The following GALNT13 variants were observed in gnomAD, a reference collection of about 807,000 sequenced individuals.
GALNT13 encodes the protein UDP-GalNAc:polypeptide N-acetylgalactosaminyltransferase 13.
Under a neutral mutation model 64.2 loss-of-function variants are expected in GALNT13, and 28 were observed. That is an observed-to-expected ratio of 0.44 (90% CI 0.32 to 0.60). The LOEUF (loss-of-function observed/expected upper bound fraction) is 0.60. Among genes scored for constraint, GALNT13 ranks in the 20% least tolerant of loss-of-function variants. GALNT13 has a pLI of 0.05. For missense variants in GALNT13, 577 were observed against 669.8 expected (o/e 0.86, Z 1.53); for synonymous variants, 214 against 224.6 (o/e 0.95, Z 0.42).
At chr2:153,630,809 T>TTTA in the GALNT13 span, among the ~76,000 whole-genome samples, 31 of 14,056 alleles carry the variant, frequency 2.2e-3, no homozygotes, top group Non-Finnish European at 3.0e-3. Context: ...ATATATATAT[T>TTTA]TTTTTTTTTT....
At chr2:153,924,525 C>A (rs2105343669) in intron 2 of GALNT13, among the ~76,000 whole-genome samples, 1 of 152,110 alleles carries the variant, frequency 6.6e-6, no homozygotes, top group African/African-American at 2.4e-5. Flanking sequence ...GAACATGTGC[C>A]TTTATGTATC....
the GALNT13 span, among the ~76,000 whole-genome samples, chr2:153,720,015 GACAA>G: frequency 1.3e-5 from 2 of 150,842 alleles, no homozygotes; most frequent in Non-Finnish European, 3.0e-5. Flanking sequence ...GCAGGGCACA[GACAA>G]ACAAAAAGAC....
At chr2:153,090,565 A>C in the GALNT13 span, among the ~76,000 whole-genome samples, 1 of 151,680 alleles carries the variant, frequency 6.6e-6, no homozygotes, top group Non-Finnish European at 1.5e-5. Flanking sequence ...AATGGGCTAC[A>C]TTGGTTGGCC....
chr2:153,734,112 C>A, the GALNT13 span, among the ~76,000 whole-genome samples: 1 of 152,116 alleles, frequency 6.6e-6, no homozygotes, highest in African/African-American at 2.4e-5. Flanking sequence ...ATGTTCCATG[C>A]AACTCAATTA....
the GALNT13 span, among the ~76,000 whole-genome samples, chr2:153,564,055 C>T: frequency 6.6e-6 from 1 of 152,054 alleles, no homozygotes; most frequent in African/African-American, 2.4e-5. Context: ...TCAAAGAGTG[C>T]TCCTTTCTCT....
chr2:153,664,254 C>A, the GALNT13 span, among the ~76,000 whole-genome samples: 1 of 152,150 alleles, frequency 6.6e-6, no homozygotes, highest in African/African-American at 2.4e-5. Flanking sequence ...CGTTCATATA[C>A]CCACCCCTGG....
the GALNT13 span, among the ~76,000 whole-genome samples, chr2:153,534,526 C>CT: frequency 1.5e-3 from 208 of 138,742 alleles, 2 homozygotes; most frequent in East Asian, 0.012. Flanking sequence ...TTCTTTCTTT[C>CT]TTTTTTTTTT....
chr2:154,160,309 T>C (rs987500723), intron 4 of GALNT13, among the ~76,000 whole-genome samples: 4 of 152,116 alleles, frequency 2.6e-5, no homozygotes, highest in African/African-American at 9.7e-5. Flanking sequence ...CCCACCTGAT[T>C]TCTTTCAGTC....
the GALNT13 span, among the ~76,000 whole-genome samples, chr2:153,546,241 G>A: frequency 1.3e-5 from 2 of 152,150 alleles, no homozygotes; most frequent in African/African-American, 2.4e-5. Flanking sequence ...GTAATTATTT[G>A]CTTAGAATGA....
At chr2:153,454,096 AACTG>A in the GALNT13 span, among the ~76,000 whole-genome samples, 1 of 152,176 alleles carries the variant, frequency 6.6e-6, no homozygotes, top group African/African-American at 2.4e-5. Flanking sequence ...AGCTGGCAAC[AACTG>A]ACACTATTAG....
intron 8 of GALNT13, among the ~76,000 whole-genome samples, chr2:154,259,893 G>GT (rs1008229740): frequency 2.0e-5 from 3 of 151,842 alleles, no homozygotes; most frequent in East Asian, 3.9e-4. Flanking sequence ...TGTTGTTGTT[G>GT]TTTTTTGAGA....
the GALNT13 span, among the ~76,000 whole-genome samples, chr2:153,619,046 T>G: frequency 6.6e-6 from 1 of 151,970 alleles, no homozygotes; most frequent in Non-Finnish European, 1.5e-5. Context: ...AAATATGGAG[T>G]TAATCTTACC....
the GALNT13 span, among the ~76,000 whole-genome samples, chr2:153,199,116 G>A: frequency 4.6e-5 from 7 of 152,194 alleles, no homozygotes; most frequent in East Asian, 1.3e-3. Flanking sequence ...GATCCTGTGG[G>A]ATCATCCCAG....
the GALNT13 span, among the ~76,000 whole-genome samples, chr2:153,827,761 C>T: frequency 6.6e-6 from 1 of 152,074 alleles, no homozygotes; most frequent in Non-Finnish European, 1.5e-5. Context: ...AGTCTTAACT[C>T]ATTTCAGCAT....
the GALNT13 span, among the ~76,000 whole-genome samples, chr2:153,257,298 G>A: frequency 7.2e-5 from 11 of 152,042 alleles, no homozygotes; most frequent in Non-Finnish European, 1.0e-4. Context: ...GCAATGCCTC[G>A]CCCTGCTTCG....
At chr2:153,232,627 G>A in the GALNT13 span, among the ~76,000 whole-genome samples, 1 of 152,208 alleles carries the variant, frequency 6.6e-6, no homozygotes, top group African/African-American at 2.4e-5. Context: ...CAGCTCACTG[G>A]TGACTCATTC....
At chr2:153,699,081 G>C in the GALNT13 span, among the ~76,000 whole-genome samples, 1 of 152,112 alleles carries the variant, frequency 6.6e-6, no homozygotes, top group Non-Finnish European at 1.5e-5. Flanking sequence ...AAAATTTTCC[G>C]GTCATGGAGG....
At chr2:153,902,705 C>T (rs775015502) in intron 2 of GALNT13, among the ~76,000 whole-genome samples, 30 of 151,928 alleles carry the variant, frequency 2.0e-4, no homozygotes, top group Non-Finnish European at 3.7e-4. Flanking sequence ...TAAACAGGTT[C>T]AGGGAGTAAT....
chr2:153,787,273 C>T, the GALNT13 span, among the ~76,000 whole-genome samples: 3 of 152,096 alleles, frequency 2.0e-5, no homozygotes, highest in East Asian at 5.8e-4. Context: ...CAAAAGCCTA[C>T]CAACTGACCG....
Sources: allele counts gnomAD v4.1 joint callset (sites outside exome capture counted in the v4.1 genomes callset), GRCh38; gene constraint gnomAD v4.1.1; transcripts MANE v1.5; gene names NCBI Gene and HGNC (gene_info 2026-07-23, HGNC 2026-07-21).